Variants in ETV3 observed in about 807,000 individuals in gnomAD.
The protein encoded by ETV3 is ETS variant transcription factor 3.
ETV3 carries 8 observed loss-of-function variants against 33.0 expected under a neutral mutation model. The ratio of observed to expected loss-of-function variants is 0.24; its 90% CI spans 0.14 to 0.44. ETV3 has a LOEUF of 0.44. Ranked by LOEUF, ETV3 falls within the 20% of genes least tolerant of loss-of-function variation. The pLI is 1.00. For synonymous variants in ETV3, 222 were observed against 238.9 expected (o/e 0.93, Z 0.65); for missense variants, 473 against 652.3 (o/e 0.73, Z 2.99).
At position 157,125,801 on chromosome 1, in the gene ETV3, C is replaced by G. The variant is rs1571696076; in HGVS notation, c.579G>C (p.Glu193Asp). 1.3e-6 allele frequency: 2 copies of G among 1,551,732 alleles called. No homozygotes were observed. The highest frequency in any genetic ancestry group is 2.4e-5 in the East Asian group (1 of 40,918). Reference sequence around the variant, plus strand: ...AGTCAGCAGCTGAGCCATCCTCCAGCTCTGAAAGCTCAGTCTTTCTATCAG... The same window carrying G: ...AGTCAGCAGCTGAGCCATCCTCCAGGTCTGAAAGCTCAGTCTTTCTATCAG... ...NGTDRKTELS[E>D]LEDGSAADWR... The change falls in exon 5 of 5, where the codon GAG (glutamate) becomes GAC (aspartate). Residue 193 changes from glutamate (E) to aspartate (D), a missense_variant. Glu to Asp is a conservative substitution (Grantham distance 45). Coordinates refer to ENST00000368192, the MANE Select transcript of ETV3 (RefSeq NM_001145312.3). The surrounding 1 kb of genome is among the most constrained non-coding windows in gnomAD (Gnocchi z 4.0).
chr1:157,131,333 C>G (rs2103203587), intron 4 of ETV3, among the ~76,000 whole-genome samples: 1 of 152,326 alleles, frequency 6.6e-6, no homozygotes, highest in South Asian at 2.1e-4. Context: ...ATAAAATACA[C>G]AGACCAGAAT....
Position 157,125,011 on chromosome 1 carries a change from T to G in ETV3, c.1369A>C (p.Lys457Gln), listed in dbSNP as rs1674794273. ...TTCTTCTCAGGTGCACTGGGCTCTT[T>G]GCCAGGCCTATCCTCACTGTCTTCA... Reference protein sequence around the residue: ...VTEDSEDRPGKEPSAPEKKED... With the variant: ...VTEDSEDRPGQEPSAPEKKED... The change falls in exon 5 of 5, where the codon AAA becomes CAA. Residue 457 changes from lysine to glutamine, a missense_variant. By Grantham distance (53) the Lys-to-Gln change is moderately conservative. This residue lies in a region of ETV3 where 410 missense variants were observed against 520.2 expected (regional missense o/e 0.79). Transcript: ENST00000368192. This position sits in a 1 kb window ranked among gnomAD's most constrained non-coding sequence, Gnocchi z 4.0. The G allele has an allele frequency of 2.6e-6, 4 of 1,551,768 alleles. No individual in the cohort carries two copies. The Admixed American group carries it at 7.8e-5, about 30-fold the overall frequency.
intron 2 of ETV3, 146 bp downstream of exon 2, chr1:157,136,161 C>G (rs1002956310): frequency 1.3e-6 from 1 of 788,600 alleles, no homozygotes. Flanking sequence ...CCATAGGAAA[C>G]AAGCCTACAA....
In ETV3 at chr1:157,134,109, T is replaced by G. The variant is rs1415513611; in HGVS notation, c.400+3A>C. 6.2e-7 allele frequency: 1 copy of G among 1,612,558 alleles called. No homozygotes were observed. The highest frequency in any genetic ancestry group is 8.5e-7 in the Non-Finnish European group (1 of 1,179,654). ...TTCCCTACCAAAAGAGTTTGTATCT[T>G]ACCACTTGACCGAATGTTGATGAAT... On this transcript the variant is annotated splice_donor_region_variant and intron_variant, in intron 4 of 4. Coordinates refer to ENST00000368192, the MANE Select transcript of ETV3 (RefSeq NM_001145312.3).
intron 4 of ETV3, chr1:157,133,529 A>G: frequency 1.0e-6 from 1 of 986,002 alleles, no homozygotes; most frequent in Non-Finnish European, 1.2e-6. Flanking sequence ...AGGAAAGTCA[A>G]GAGGGGAAGC....
chr1:157,128,448 T>A, intron 4 of ETV3: 1 of 332,138 alleles, frequency 3.0e-6, no homozygotes, highest in Non-Finnish European at 6.1e-6. Context: ...AGCACGAGAC[T>A]GGGCCTAATC....
intron 4 of ETV3, chr1:157,133,031 C>G (rs1675004798): frequency 6.6e-6 from 1 of 152,150 alleles, no homozygotes; most frequent in South Asian, 2.1e-4. Flanking sequence ...ATGGACTGGT[C>G]AGAAAACAGT....
rs1230424334 is a variant in ETV3, at chr1:157,125,948, T to C, written c.432A>G (p.Pro144=). The C allele has an allele frequency of 1.3e-6, 2 of 1,551,256 alleles. No individual in the cohort carries two copies. The highest frequency in any genetic ancestry group is 2.7e-5 in the African/African-American group (2 of 73,182). Residue 144 remains proline (P), a synonymous_variant, in exon 5 of 5, where the codon CCA becomes CCG. Transcript: ENST00000368192. This position sits in a 1 kb window ranked among gnomAD's most constrained non-coding sequence, Gnocchi z 4.0. ...GVVPQSAPPV[P]TASSRFHFPP... is the part of the protein sequence containing the mutation. ...GGAAATGGAACCGGGAAGAGGCTGTTGGCACTGGTGGTGCACTCTGAGGAA... is the reference window on the plus strand; with the variant it reads ...GGAAATGGAACCGGGAAGAGGCTGTCGGCACTGGTGGTGCACTCTGAGGAA...
Position 157,124,149 on chromosome 1 carries a change from C to T in ETV3, c.*692G>A, listed in dbSNP as rs1050827019. On this transcript the variant is annotated 3_prime_UTR_variant, in exon 5 of 5. Coordinates refer to ENST00000368192, the MANE Select transcript of ETV3 (RefSeq NM_001145312.3). ...GTCGCCAGCTCCTGTGCCTTCCCAG[C>T]CCCACTATAATTGGCAGTATGTTTG... is the stretch of plus-strand genomic sequence containing the variant. 4.0e-5 allele frequency: 6 copies of T among 150,848 alleles called. No homozygotes were observed. Among genetic ancestry groups the T allele is most frequent in the African/African-American group, 1.5e-4 (6 of 40,900 alleles). The allele number at this position is 150,848 out of a possible 1,614,324, so 9.3% of individuals were successfully genotyped here.
At chr1:157,137,509 A>ACACAC (rs1675145772) in intron 1 of ETV3, among the ~76,000 whole-genome samples, 2 of 144,968 alleles carry the variant, frequency 1.4e-5, no homozygotes, top group African/African-American at 5.1e-5. Context: ...GACAAGGAAA[A>ACACAC]ACACACACAC....
At chr1:157,133,150 A>G (rs1319954448) in intron 4 of ETV3, 1 of 153,904 alleles carries the variant, frequency 6.5e-6, no homozygotes, top group Non-Finnish European at 1.4e-5. Context: ...AGATATTTTG[A>G]GAAAGACCAC....
In ETV3 at chr1:157,124,710, A is replaced by G. The variant is rs74116987; in HGVS notation, c.*131T>C. On this transcript the variant is annotated 3_prime_UTR_variant, in exon 5 of 5. Coordinates refer to ENST00000368192, the MANE Select transcript of ETV3 (RefSeq NM_001145312.3). ...TAACCCCATCCCATCCCCAAAACAT[A>G]AAAATACAAGTCTATGCCCCTAGAA... The G allele has an allele frequency of 5.0e-4, 484 of 963,792 alleles. 3 individuals are homozygous for G. The African/African-American group carries it at 6.9e-3, about 14-fold the overall frequency. 59.7% of individuals were successfully genotyped at this position (963,792 alleles called of 1,614,324 possible).
At position 157,121,823 on chromosome 1, in the gene ETV3, A is replaced by G. The variant is rs1674717131; in HGVS notation, c.*3018T>C. 1 of 152,196 alleles carries G rather than the reference A, an allele frequency of 6.6e-6. No homozygotes were observed. The highest frequency in any genetic ancestry group is 2.4e-5 in the African/African-American group (1 of 41,450). 9.4% of individuals were successfully genotyped at this position (152,196 alleles called of 1,614,324 possible). On this transcript the variant is annotated 3_prime_UTR_variant, in exon 5 of 5. Transcript: ENST00000368192. Reference sequence around the variant, plus strand: ...TTGGCCCACAGAGGACTAGGGTGCAATCATTCCCTGTGTTAGTGAGTTGGG... The same window carrying G: ...TTGGCCCACAGAGGACTAGGGTGCAGTCATTCCCTGTGTTAGTGAGTTGGG...
chr1:157,133,687 A>G, intron 4 of ETV3: 1 of 993,516 alleles, frequency 1.0e-6, no homozygotes, highest in Non-Finnish European at 1.2e-6. Flanking sequence ...TTTTGATGAT[A>G]TTCACTTGAT....
chr1:157,125,288 C>A lies in ETV3; in HGVS notation c.1092G>T (p.Glu364Asp), dbSNP rs964406104. 5.2e-6 allele frequency: 8 copies of A among 1,551,988 alleles called. No homozygotes were observed. The highest frequency in any genetic ancestry group is 1.4e-5 in the African/African-American group (1 of 73,040). ...TGGTGGGCGTGGTGACTGGTGCTGACTCCTCGCTGCTCTCAACCCTCTCCC... is the reference window on the plus strand; with the variant it reads ...TGGTGGGCGTGGTGACTGGTGCTGAATCCTCGCTGCTCTCAACCCTCTCCC... ...KNRERVESSE[E>D]SAPVTTPTMA... is the part of the protein sequence containing the mutation. The change falls in exon 5 of 5, where the codon GAG (glutamate) becomes GAT (aspartate). Residue 364 changes from glutamate to aspartate, a missense_variant. Transcript: ENST00000368192. The surrounding 1 kb of genome is among the most constrained non-coding windows in gnomAD (Gnocchi z 4.0).
In ETV3 at chr1:157,125,144, G is replaced by A. The variant is rs753974294; in HGVS notation, c.1236C>T (p.Ser412=). 9.0e-6 allele frequency: 14 copies of A among 1,551,386 alleles called. No individual in the cohort carries two copies. The highest frequency in any genetic ancestry group is 2.4e-5 in the East Asian group (1 of 40,922). ...TGCCTTTTTCCTCTTCAATGGTCCT[G>A]CTTGGCACAGTGCCCTCTTCTTGAG... ...EHTQEEGTVP[S]RTIEEEKGTI... Residue 412 remains serine, a synonymous_variant, in exon 5 of 5, where the codon AGC becomes AGT. Transcript: ENST00000368192. The surrounding 1 kb of genome is among the most constrained non-coding windows in gnomAD (Gnocchi z 4.0).
chr1:157,137,619 T>A (rs1052638877), intron 1 of ETV3, among the ~76,000 whole-genome samples: 1 of 150,264 alleles, frequency 6.7e-6, no homozygotes, highest in African/African-American at 2.5e-5. Flanking sequence ...TTAGTGACAA[T>A]GAGGGAGGAA....
chr1:157,138,042 C>T (rs1380876286), intron 1 of ETV3, among the ~76,000 whole-genome samples: 1 of 152,208 alleles, frequency 6.6e-6, no homozygotes, highest in African/African-American at 2.4e-5. Flanking sequence ...CTTCCACAGC[C>T]CCCAGAACCT....
intron 4 of ETV3, 124 bp from the exon 5 acceptor site, chr1:157,126,103 C>T: frequency 1.1e-6 from 1 of 883,242 alleles, no homozygotes; most frequent in South Asian, 1.8e-5. Flanking sequence ...TGGACTGAAT[C>T]CCACAGTTCT....
Sources: allele counts gnomAD v4.1 joint callset (sites outside exome capture counted in the v4.1 genomes callset), GRCh38; gene constraint gnomAD v4.1.1; regional missense constraint gnomAD v4.1.1; non-coding constraint Gnocchi (gnomAD v3.1); transcripts MANE v1.5; gene names NCBI Gene and HGNC (gene_info 2026-07-23, HGNC 2026-07-21).